Variants in TTC39A observed in about 807,000 individuals in gnomAD.
TTC39A encodes tetratricopeptide repeat protein 39A.
Under a neutral mutation model 82.3 loss-of-function variants are expected in TTC39A, and 46 were observed. The ratio of observed to expected loss-of-function variants is 0.56; its 90% CI spans 0.44 to 0.71. The LOEUF is 0.71. Among genes scored for constraint, TTC39A ranks in the 30% least tolerant of loss-of-function variants. The pLI is 0.00. For missense variants in TTC39A, 543 were observed against 712.9 expected (o/e 0.76, Z 2.71); for synonymous variants, 254 against 275.2 (o/e 0.92, Z 0.76).
Position 51,288,165 on chromosome 1 carries a change from AC to A in TTC39A, c.1725del (p.Ser576ProfsTer89). 1.2e-6 allele frequency: 2 copies of A among 1,614,048 alleles called. No homozygotes were observed. The highest frequency in any genetic ancestry group is 1.7e-6 in the Non-Finnish European group (2 of 1,179,890). On this transcript the variant is annotated frameshift_variant, in exon 18 of 18. Transcript: ENST00000680483. LOFTEE classifies it high-confidence loss of function. This position sits in a 1 kb window ranked among gnomAD's most constrained non-coding sequence, Gnocchi z 4.8. ...GGAACTGCTGCACAAAGCTACAAGGACACTGATGAGACCATGGATCTGCTGC... is the reference window on the plus strand; with the variant it reads ...GGAACTGCTGCACAAAGCTACAAGGAACTGATGAGACCATGGATCTGCTGC... ...ENSSRSMVSSVSL is the reference protein window; with the variant it reads ...ENSSRSMVSSXSL
In TTC39A at chr1:51,288,289, G is replaced by C. The variant is rs146609489; in HGVS notation, c.1611-9C>G. On this transcript the variant is annotated splice_polypyrimidine_tract_variant and intron_variant, in intron 17 of 17. Transcript: ENST00000680483. This position sits in a 1 kb window ranked among gnomAD's most constrained non-coding sequence, Gnocchi z 4.8. ...AATTCTTGTAGTTTTGCCTGGAATT[G>C]AGCAGCGAATCAGACACATGAGGCT... is the stretch of plus-strand genomic sequence containing the variant. 2 of 1,613,948 alleles carry C rather than the reference G, an allele frequency of 1.2e-6. No individual in the cohort carries two copies. The highest frequency in any genetic ancestry group is 2.2e-5 in the East Asian group (1 of 44,890).
intron 1 of TTC39A, chr1:51,322,184 G>A (rs1242106004): frequency 6.5e-7 from 1 of 1,530,218 alleles, no homozygotes. Flanking sequence ...CCCCCCCAGG[G>A]GGTGCAGCCC....
At chr1:51,331,582 G>A, upstream of TTC39A, 1 of 985,410 alleles carries the variant, frequency 1.0e-6, no homozygotes, top group Middle Eastern at 5.2e-4. Flanking sequence ...AACAGGACTT[G>A]TACCAGATCC....
intron 5 of TTC39A, among the ~76,000 whole-genome samples, chr1:51,310,220 G>T (rs1645033908): frequency 6.6e-6 from 1 of 152,132 alleles, no homozygotes; most frequent in African/African-American, 2.4e-5. Context: ...CTGGGCGACA[G>T]AGCAAGACTC....
rs573686299 is a variant in TTC39A at position 51,309,536 on chromosome 1, C to T, written c.424-211G>A. The T allele has an allele frequency of 7.8e-5, 97 of 1,245,910 alleles. No individual in the cohort carries two copies. The African/African-American group carries it at 1.4e-3, about 18-fold the overall frequency. 77.2% of individuals were successfully genotyped at this position (1,245,910 alleles called of 1,614,324 possible). A position where few individuals can be genotyped will look rare whatever the true frequency, so the allele number is the denominator to read the frequency against. On this transcript the variant is annotated intron_variant, in intron 5 of 17. Coordinates refer to ENST00000680483, the MANE Select transcript of TTC39A (RefSeq NM_001297663.2). Reference sequence around the variant, plus strand: ...TGGACCAGCCTCCCAGGTACACATACTCTGTGCTTGGAGAGAGGCCTGGAG... The same window carrying T: ...TGGACCAGCCTCCCAGGTACACATATTCTGTGCTTGGAGAGAGGCCTGGAG...
intron 4 of TTC39A, 34 bp from the exon 5 acceptor site, chr1:51,311,355 T>C (rs1334591691): frequency 3.2e-6 from 5 of 1,549,314 alleles, no homozygotes; most frequent in African/African-American, 2.7e-5. Flanking sequence ...CGTGGCCTCC[T>C]GGGACTCTAG....
At chr1:51,328,956 C>T (rs1645810980) in intron 1 of TTC39A, among the ~76,000 whole-genome samples, 1 of 152,166 alleles carries the variant, frequency 6.6e-6, no homozygotes, top group Non-Finnish European at 1.5e-5. Context: ...ACCAGGATGA[C>T]ACTAGCCAGG....
At chr1:51,334,707 T>C (rs1199817517), upstream of TTC39A, 1 of 151,630 alleles carries the variant, frequency 6.6e-6, no homozygotes, top group Non-Finnish European at 1.5e-5. Context: ...GACCTAGTGA[T>C]GGTTGTGGTG....
At chr1:51,301,525 A>C (rs1355336015) in intron 12 of TTC39A, 47 bp downstream of exon 12, 1 of 1,540,708 alleles carries the variant, frequency 6.5e-7, no homozygotes, top group African/African-American at 1.4e-5. Flanking sequence ...GGAGGCACAC[A>C]GTCAGCCCTG....
At chr1:51,291,206 G>T (rs1644200769) in intron 14 of TTC39A, among the ~76,000 whole-genome samples, 2 of 151,972 alleles carry the variant, frequency 1.3e-5, no homozygotes, top group Non-Finnish European at 2.9e-5. Context: ...AAAATTTGGG[G>T]GGGGCCAGGC....
intron 1 of TTC39A, chr1:51,342,898 C>T: frequency 2.6e-6 from 1 of 381,584 alleles, no homozygotes; most frequent in Non-Finnish European, 5.4e-6. Flanking sequence ...GCGTCTACCT[C>T]CCATTCCCTC....
intron 14 of TTC39A, among the ~76,000 whole-genome samples, chr1:51,291,317 C>A (rs549390092): frequency 7.2e-5 from 11 of 151,832 alleles, no homozygotes; most frequent in Admixed American, 3.3e-4. Context: ...ATGGTGAAAC[C>A]CCATCTCTAC....
chr1:51,315,006 C>T (rs1417468218), intron 2 of TTC39A, among the ~76,000 whole-genome samples: 2 of 152,128 alleles, frequency 1.3e-5, no homozygotes, highest in Non-Finnish European at 2.9e-5. Context: ...AGCACACAGA[C>T]CCATCCCCCA....
rs201881880 is a variant in TTC39A at position 51,306,022 on chromosome 1, C to T, written c.543G>A (p.Pro181=). 47 of 1,613,952 alleles carry T rather than the reference C, an allele frequency of 2.9e-5. No homozygotes were observed. Among genetic ancestry groups the T allele is most frequent in the Admixed American group, 2.7e-4 (16 of 60,022 alleles). Residue 181 remains proline, a synonymous_variant, in exon 7 of 18, where the codon CCG becomes CCA. Transcript: ENST00000680483. ...SSQYCKGENH[P]HFEGGVKLGV... is the part of the protein sequence containing the mutation. ...CAAGCTTCACTCCTCCTTCAAAGTG[C>T]GGGTGGTTCTCACCCTTGCAGTATT... is the stretch of plus-strand genomic sequence containing the variant.
At chr1:51,326,269 T>TG (rs1188679719) in intron 1 of TTC39A, among the ~76,000 whole-genome samples, 2 of 151,896 alleles carry the variant, frequency 1.3e-5, no homozygotes, top group Non-Finnish European at 2.9e-5. Flanking sequence ...GATGGCATCA[T>TG]GGAAGGAGGA....
At position 51,289,986 on chromosome 1, in the gene TTC39A, C is replaced by A; in HGVS notation, c.1493+19G>T. On this transcript the variant is annotated intron_variant, in intron 16 of 17. Transcript: ENST00000680483. ...CCAGGAGACTCAGACCCAGAAGGAG[C>A]AGCTGCAGAGGCACTTACTTGGCAG... 6.3e-7 allele frequency: 1 copy of A among 1,599,934 alleles called. No individual in the cohort carries two copies.
Position 51,312,958 on chromosome 1 carries a change from AGAC to A in TTC39A, c.147-18_147-16del. ...TTTCCTTGGTTCTGCCAAAGAGAAG[AGAC>A]GTTGAGAGCACCACCTTATAGAGCC... On this transcript the variant is annotated splice_polypyrimidine_tract_variant and intron_variant, in intron 2 of 17. Coordinates refer to ENST00000680483, the MANE Select transcript of TTC39A (RefSeq NM_001297663.2). The A allele has an allele frequency of 6.2e-7, 1 of 1,612,016 alleles. No homozygotes were observed. The highest frequency in any genetic ancestry group is 1.1e-5 in the South Asian group (1 of 90,852).
At chr1:51,320,814 G>A (rs1645484497) in intron 2 of TTC39A, among the ~76,000 whole-genome samples, 1 of 151,412 alleles carries the variant, frequency 6.6e-6, no homozygotes, top group Non-Finnish European at 1.5e-5. Flanking sequence ...TGAGGGAAGG[G>A]AGGTGGGGCA....
chr1:51,295,316 C>T (rs1644373742), intron 13 of TTC39A, among the ~76,000 whole-genome samples: 1 of 152,130 alleles, frequency 6.6e-6, no homozygotes, highest in Admixed American at 6.5e-5. Flanking sequence ...TGATAAATGC[C>T]CTATTATTGT....
Sources: allele counts gnomAD v4.1 joint callset (sites outside exome capture counted in the v4.1 genomes callset), GRCh38; gene constraint gnomAD v4.1.1; non-coding constraint Gnocchi (gnomAD v3.1); transcripts MANE v1.5; gene names NCBI Gene and HGNC (gene_info 2026-07-23, HGNC 2026-07-21).